The following ANKDD1B variants were observed in gnomAD, a reference collection of about 807,000 sequenced individuals.
ANKDD1B encodes ankyrin repeat and death domain-containing protein 1B.
Under a neutral mutation model 59.7 loss-of-function variants are expected in ANKDD1B, and 57 were observed. The ratio of observed to expected loss-of-function variants is 0.95; its 90% confidence interval spans 0.77 to 1.19. ANKDD1B has a LOEUF of 1.19. Among genes scored for constraint, ANKDD1B ranks in the 50% most tolerant of loss-of-function variants. The pLI, the probability that ANKDD1B is intolerant of heterozygous loss-of-function variation, is 0.00. For synonymous variants in ANKDD1B, 216 were observed against 239.5 expected, an observed-to-expected ratio of 0.90 and a Z score of 0.91; for missense variants, 602 against 641.9, an observed-to-expected ratio of 0.94 and a Z score of 0.67.
chr5:75,617,450 G>C (rs1192515465), intron 2 of ANKDD1B, among the ~76,000 whole-genome samples: 3 of 152,282 alleles, frequency 2.0e-5, no homozygotes, highest in South Asian at 4.1e-4. Context: ...TAAGTGCCGG[G>C]TTTTAGCGGA....
chr5:75,611,528 C>T lies in ANKDD1B; in HGVS notation c.-107C>T, dbSNP rs1321511611. On this transcript the variant is annotated 5_prime_UTR_variant, in exon 1 of 14. Coordinates refer to ENST00000601380, the MANE Select transcript of ANKDD1B (RefSeq NM_001276713.2). ...GCCGGGCTGACCTGCCTGCGTCCAG[C>T]CCCCGCGCCCTGGGCCTGCCTGGGT... is the stretch of plus-strand genomic sequence containing the variant. 9.7e-6 allele frequency: 9 copies of T among 932,256 alleles called. No homozygotes were observed. Among genetic ancestry groups the T allele is most frequent in the Non-Finnish European group, 1.3e-5 (9 of 715,640 alleles). 57.7% of individuals were successfully genotyped at this position (932,256 alleles called of 1,614,324 possible). A position where few individuals can be genotyped will look rare whatever the true frequency, so the allele number is the denominator to read the frequency against.
rs200361538 is a variant in ANKDD1B at position 75,611,582 on chromosome 5, ATCTGGGTCCGAG to A, written c.-44_-33del. ...GATCTGTGTCCGAGTCTGGGTCTGG[ATCTGGGTCCGAG>A]TCTGGGTCTGGCCCTGCGCTCAGGG... On this transcript the variant is annotated 5_prime_UTR_variant, in exon 1 of 14. Coordinates refer to ENST00000601380, the MANE Select transcript of ANKDD1B (RefSeq NM_001276713.2). 615 of 1,083,100 alleles carry A rather than the reference ATCTGGGTCCGAG, an allele frequency of 5.7e-4. 2 individuals carry two copies. In the African/African-American group the frequency reaches 9.2e-3, roughly 16 times the overall value. 67.1% of individuals were successfully genotyped at this position (1,083,100 alleles called of 1,614,324 possible). A position where few individuals can be genotyped will look rare whatever the true frequency, so the allele number is the denominator to read the frequency against.
At position 75,627,935 on chromosome 5, in the gene ANKDD1B, T is replaced by A. The variant is rs73764939; in HGVS notation, c.600+1980T>A. Reference sequence around the variant, plus strand: ...TCCTCTTCTCTCACCTTCTTCCTCCTCTATCTGTTGGGAAAAAGGGTTGGC... The same window carrying A: ...TCCTCTTCTCTCACCTTCTTCCTCCACTATCTGTTGGGAAAAAGGGTTGGC... On this transcript the variant is annotated intron_variant, in intron 5 of 13. Transcript: ENST00000601380. Among the ~76,000 whole-genome samples the A allele has an allele frequency of 8.6e-3, 1,309 of 152,246 alleles. 23 individuals are homozygous for A. Among genetic ancestry groups the A allele is most frequent in the African/African-American group, 0.03 (1,257 of 41,530 alleles).
intron 7 of ANKDD1B, among the ~76,000 whole-genome samples, chr5:75,651,896 TG>T (rs142697903): frequency 0.02 from 3,045 of 152,326 alleles, 53 homozygotes; most frequent in South Asian, 0.042. Context: ...GCCCTCTTCC[TG>T]GTTTACGGAC....
chr5:75,668,740 C>G (rs1775383920), intron 12 of ANKDD1B, among the ~76,000 whole-genome samples: 1 of 152,202 alleles, frequency 6.6e-6, no homozygotes, highest in Non-Finnish European at 1.5e-5. Flanking sequence ...CCCAGGGATG[C>G]AAACTTCCCT....
chr5:75,648,787 G>A (rs929260946), intron 7 of ANKDD1B, among the ~76,000 whole-genome samples: 3 of 152,162 alleles, frequency 2.0e-5, no homozygotes, highest in South Asian at 2.1e-4. Flanking sequence ...GAACACACAC[G>A]AGCCCGGGAT....
In ANKDD1B at chr5:75,669,324, G is replaced by C. The variant is rs1323577583; in HGVS notation, c.1466G>C (p.Gly489Ala). Residue 489 changes from glycine to alanine, a missense_variant, in exon 13 of 14, where the codon GGT becomes GCT. Physicochemically the swap from Gly to Ala is moderately conservative, Grantham distance 60. Around this residue, in one of 3 missense-constraint regions of ANKDD1B, gnomAD observed 280 missense variants for 319.8 expected, o/e 0.88. Transcript: ENST00000601380. ...IWLHGTLMTQ[G>A]DPAKQLYEEL... ...CTACACGGGACCCTGATGACTCAGG[G>C]TGACCCGGCCAAGCAACTGTATGAA... 1.1e-5 allele frequency: 14 copies of C among 1,232,148 alleles called. No homozygotes were observed. The highest frequency in any genetic ancestry group is 1.3e-5 in the Non-Finnish European group (13 of 987,944). 76.3% of individuals were successfully genotyped at this position (1,232,148 alleles called of 1,614,324 possible).
intron 10 of ANKDD1B, among the ~76,000 whole-genome samples, chr5:75,659,717 CCG>C (rs1351881805): frequency 1.3e-5 from 2 of 152,086 alleles, no homozygotes; most frequent in Non-Finnish European, 2.9e-5. Flanking sequence ...CCATACTACC[CCG>C]CTTATATATA....
intron 5 of ANKDD1B, among the ~76,000 whole-genome samples, chr5:75,632,271 C>G (rs373926906): frequency 2.0e-5 from 3 of 152,116 alleles, no homozygotes; most frequent in Non-Finnish European, 4.4e-5. Context: ...TTGGCTCATT[C>G]AATTAAAAAT....
chr5:75,655,928 T>C, intron 8 of ANKDD1B, 101 bp from the exon 9 acceptor site: 1 of 616,470 alleles, frequency 1.6e-6, no homozygotes, highest in Non-Finnish European at 2.9e-6. Flanking sequence ...GTTTCGGTAC[T>C]TGGGAGATCA....
Position 75,663,197 on chromosome 5 carries a change from A to G in ANKDD1B, c.1096-197A>G, listed in dbSNP as rs762586200. 2.4e-3 allele frequency among the ~76,000 whole-genome samples: 371 copies of G among 152,316 alleles called. 5 individuals are homozygous for G. The highest frequency in any genetic ancestry group is 2.9e-3 in the Non-Finnish European group (200 of 68,030). On this transcript the variant is annotated intron_variant, in intron 10 of 13. Transcript: ENST00000601380. ...GGGTGGCACAGGTTCTAAAGGCTTT[A>G]TATGCATTATCACATTTACCCCTGA...
At chr5:75,638,532 A>G (rs1774376784) in intron 7 of ANKDD1B, among the ~76,000 whole-genome samples, 2 of 152,242 alleles carry the variant, frequency 1.3e-5, no homozygotes, top group African/African-American at 4.8e-5. Context: ...TGGCTATCAC[A>G]TATACATTTA....
chr5:75,669,916 A>C (rs1375824434), intron 13 of ANKDD1B, among the ~76,000 whole-genome samples: 1 of 152,208 alleles, frequency 6.6e-6, no homozygotes, highest in East Asian at 1.9e-4. Flanking sequence ...ATCCTTTAAA[A>C]ACTTATCAAT....
intron 12 of ANKDD1B, among the ~76,000 whole-genome samples, chr5:75,667,754 A>G (rs903646453): frequency 7.9e-5 from 12 of 152,208 alleles, no homozygotes; most frequent in African/African-American, 2.7e-4. Context: ...AAAGTTTTCT[A>G]TTCAGAGCAC....
At chr5:75,665,219 T>C (rs977414978) in intron 11 of ANKDD1B, among the ~76,000 whole-genome samples, 7 of 152,244 alleles carry the variant, frequency 4.6e-5, no homozygotes, top group Non-Finnish European at 8.8e-5. Context: ...AATGCTTCAC[T>C]GGCTGCTGAA....
chr5:75,616,434 C>G lies in ANKDD1B; in HGVS notation c.194-370C>G, dbSNP rs185904610. On this transcript the variant is annotated intron_variant, in intron 1 of 13. Coordinates refer to ENST00000601380, the MANE Select transcript of ANKDD1B (RefSeq NM_001276713.2). ...GTTTTATCTCTGTAAGCTGTAGGAG[C>G]ATTTGGACTCCTCCCTGCCTAATCT... 9.3e-4 allele frequency among the ~76,000 whole-genome samples: 142 copies of G among 152,294 alleles called. 1 individual carries two copies. The highest frequency in any genetic ancestry group is 1.2e-3 in the Non-Finnish European group (79 of 68,028).
intron 7 of ANKDD1B, among the ~76,000 whole-genome samples, chr5:75,638,389 T>G (rs1378721901): frequency 6.6e-6 from 1 of 152,166 alleles, no homozygotes; most frequent in African/African-American, 2.4e-5. Context: ...GTTTGTCCAT[T>G]TGTGGGCTGC....
At chr5:75,624,745 T>G (rs1487111629) in intron 3 of ANKDD1B, among the ~76,000 whole-genome samples, 1 of 152,220 alleles carries the variant, frequency 6.6e-6, no homozygotes, top group Non-Finnish European at 1.5e-5. Context: ...CATAGTCATA[T>G]CTATATTGAT....
At chr5:75,626,052 C>A in intron 5 of ANKDD1B, 97 bp downstream of exon 5, 1 of 870,220 alleles carries the variant, frequency 1.1e-6, no homozygotes, top group African/African-American at 1.7e-5. Flanking sequence ...CCAGCACAGA[C>A]AGACCCGGCC....
Sources: allele counts gnomAD v4.1 joint callset (sites outside exome capture counted in the v4.1 genomes callset), GRCh38; gene constraint gnomAD v4.1.1; regional missense constraint gnomAD v4.1.1; transcripts MANE v1.5; gene names NCBI Gene and HGNC (gene_info 2026-07-23, HGNC 2026-07-21).